Variants in IMMP2L observed in about 807,000 individuals in gnomAD.
IMMP2L encodes inner mitochondrial membrane peptidase subunit 2.
Under a neutral mutation model 19.3 loss-of-function variants are expected in IMMP2L, and 18 were observed. That is an observed-to-expected ratio of 0.93 (90% CI 0.64 to 1.38). The LOEUF is 1.38. IMMP2L is among the 40% of genes most tolerant of loss of function. The pLI is 0.00. For missense variants in IMMP2L, 233 were observed against 218.2 expected (o/e 1.07, Z -0.43); for synonymous variants, 76 against 73.0 (o/e 1.04, Z -0.21).
At chr7:110,685,524 C>T (rs1793051748) in intron 5 of IMMP2L, among the ~76,000 whole-genome samples, 1 of 152,056 alleles carries the variant, frequency 6.6e-6, no homozygotes, top group South Asian at 2.1e-4. Context: ...ATATCATATC[C>T]CATTATTAAC....
At chr7:110,691,027 A>G (rs1793462698) in intron 5 of IMMP2L, among the ~76,000 whole-genome samples, 1 of 152,140 alleles carries the variant, frequency 6.6e-6, no homozygotes, top group Non-Finnish European at 1.5e-5. Flanking sequence ...ATCCTAAACA[A>G]AAAGAATAAA....
intron 5 of IMMP2L, among the ~76,000 whole-genome samples, chr7:110,846,586 G>C (rs143063169): frequency 6.6e-6 from 1 of 151,740 alleles, no homozygotes; most frequent in Non-Finnish European, 1.5e-5. Flanking sequence ...GGCTGGTCTC[G>C]AACTCCTGAC....
intron 3 of IMMP2L, among the ~76,000 whole-genome samples, chr7:111,184,260 A>G (rs568659499): frequency 1.3e-5 from 2 of 152,132 alleles, no homozygotes; most frequent in Non-Finnish European, 2.9e-5. Flanking sequence ...TGAGTCAATA[A>G]GCAAATGTTA....
At chr7:111,431,446 C>A (rs751482164) in intron 3 of IMMP2L, among the ~76,000 whole-genome samples, 2 of 151,802 alleles carry the variant, frequency 1.3e-5, no homozygotes, top group Non-Finnish European at 2.9e-5. Flanking sequence ...ACTCTATAAG[C>A]AAGGATCATG....
In IMMP2L at chr7:111,264,749, AT is replaced by A. The variant is rs199911537; in HGVS notation, c.239+222488del. On this transcript the variant is annotated intron_variant, in intron 3 of 5. Coordinates refer to ENST00000405709, the MANE Select transcript of IMMP2L (RefSeq NM_032549.4). The stretch of plus-strand genomic sequence containing the variant: ...ATACTAGATATGGAAACAGCCAACC[AT>A]TTCCAGACTCTGTTGAAGAAGCAGT... 5.2e-3 allele frequency among the ~76,000 whole-genome samples: 783 copies of A among 151,476 alleles called. 7 individuals carry two copies. Among genetic ancestry groups the A allele is most frequent in the African/African-American group, 0.017 (722 of 41,258 alleles).
At chr7:110,907,605 T>A (rs1812606418) in intron 4 of IMMP2L, among the ~76,000 whole-genome samples, 1 of 152,106 alleles carries the variant, frequency 6.6e-6, no homozygotes, top group Admixed American at 6.6e-5. Context: ...TTTGGGGCCC[T>A]CACTAGGGAC....
chr7:110,753,752 G>GT (rs767440840), intron 5 of IMMP2L, among the ~76,000 whole-genome samples: 27,584 of 133,082 alleles, frequency 0.21, 3,923 homozygotes, highest in African/African-American at 0.5. Flanking sequence ...TGTGAGTGTG[G>GT]GGTGTGTGTG....
At chr7:111,481,903 G>A (rs1356255340) in intron 3 of IMMP2L, among the ~76,000 whole-genome samples, 1 of 152,112 alleles carries the variant, frequency 6.6e-6, no homozygotes, top group East Asian at 1.9e-4. Flanking sequence ...ATTTAAAAAG[G>A]AAGAATCAGC....
intron 1 of IMMP2L, among the ~76,000 whole-genome samples, chr7:111,523,174 A>T (rs1472365395): frequency 6.6e-6 from 1 of 151,980 alleles, no homozygotes; most frequent in South Asian, 2.1e-4. Flanking sequence ...ATATAATTAT[A>T]TTTAGGAGGA....
intron 3 of IMMP2L, among the ~76,000 whole-genome samples, chr7:111,411,151 C>T (rs1045945573): frequency 4.2e-5 from 6 of 144,444 alleles, no homozygotes; most frequent in Non-Finnish European, 6.0e-5. Context: ...AAAAAAGGCA[C>T]ATAATATAGG....
intron 3 of IMMP2L, among the ~76,000 whole-genome samples, chr7:111,319,069 C>T (rs1761085397): frequency 6.6e-6 from 1 of 152,076 alleles, no homozygotes; most frequent in Admixed American, 6.6e-5. Flanking sequence ...CACCATGTGG[C>T]TTAATGTAAG....
chr7:111,287,389 G>C (rs1339620982), intron 3 of IMMP2L, among the ~76,000 whole-genome samples: 1 of 152,040 alleles, frequency 6.6e-6, no homozygotes, highest in Non-Finnish European at 1.5e-5. Context: ...GTGGTATTAA[G>C]CATCATAACT....
chr7:111,225,622 G>A (rs916753469), intron 3 of IMMP2L, among the ~76,000 whole-genome samples: 7 of 146,734 alleles, frequency 4.8e-5, no homozygotes, highest in African/African-American at 1.8e-4. Flanking sequence ...AAAGAAGAAT[G>A]TCACAATTAT....
intron 3 of IMMP2L, among the ~76,000 whole-genome samples, chr7:111,205,495 G>T (rs2129617205): frequency 6.6e-6 from 1 of 152,200 alleles, no homozygotes; most frequent in South Asian, 2.1e-4. Context: ...CAGTTCCATT[G>T]AACGTCACAG....
intron 3 of IMMP2L, among the ~76,000 whole-genome samples, chr7:111,242,386 C>G (rs559755848): frequency 6.6e-6 from 1 of 152,096 alleles, no homozygotes. Flanking sequence ...CATTTTGATT[C>G]AACTAAACAA....
At chr7:111,440,243 C>A (rs1438547648) in intron 3 of IMMP2L, among the ~76,000 whole-genome samples, 3 of 151,752 alleles carry the variant, frequency 2.0e-5, no homozygotes, top group Non-Finnish European at 4.4e-5. Flanking sequence ...AATGGTGAAT[C>A]CTTTTCAGGA....
chr7:110,731,457 T>C (rs1796274244), intron 5 of IMMP2L, among the ~76,000 whole-genome samples: 2 of 152,140 alleles, frequency 1.3e-5, no homozygotes, highest in South Asian at 4.1e-4. Context: ...ATCATAATAA[T>C]AGTGGAGGAT....
At chr7:111,344,874 C>G (rs1197387437) in intron 3 of IMMP2L, among the ~76,000 whole-genome samples, 2 of 152,044 alleles carry the variant, frequency 1.3e-5, no homozygotes, top group East Asian at 3.8e-4. Flanking sequence ...TAAGAGAGAA[C>G]AAGTCGACAA....
intron 5 of IMMP2L, among the ~76,000 whole-genome samples, chr7:110,807,790 A>AT (rs995620865): frequency 6.6e-6 from 1 of 151,996 alleles, no homozygotes. Flanking sequence ...CTGTATGCAA[A>AT]TCTTGTCATC....
Sources: gnomAD v4.1 joint callset for allele counts (sites outside exome capture counted in the v4.1 genomes callset) on GRCh38, gnomAD v4.1.1 for gene constraint, MANE v1.5 for transcripts, NCBI Gene and HGNC (gene_info 2026-07-23, HGNC 2026-07-21) for gene names.